RYR3: variants seen among roughly 807,000 people sequenced by gnomAD.
The protein encoded by RYR3 is brain ryanodine receptor-calcium release channel.
Under a neutral mutation model 584.3 loss-of-function variants are expected in RYR3, and 207 were observed. The observed-to-expected ratio is 0.35, with a 90% CI of 0.32 to 0.40. The LOEUF is 0.40. Ranked by LOEUF, RYR3 falls within the 10% of genes least tolerant of loss-of-function variation. RYR3 has a pLI of 1.00. For missense variants in RYR3, 5,616 were observed against 6,089.2 expected, an observed-to-expected ratio of 0.92 and a Z score of 2.59; for synonymous variants, 2,416 against 2,248.5, an observed-to-expected ratio of 1.07 and a Z score of -2.11.
intron 2 of RYR3, among the ~76,000 whole-genome samples, chr15:33,496,642 A>G (rs1194923337): frequency 1.3e-5 from 2 of 152,160 alleles, no homozygotes; most frequent in Non-Finnish European, 2.9e-5. Context: ...CACACACACA[A>G]TACAAAAAAT....
intron 46 of RYR3, among the ~76,000 whole-genome samples, chr15:33,727,006 C>T (rs531822583): frequency 6.6e-6 from 1 of 152,338 alleles, no homozygotes; most frequent in Non-Finnish European, 1.5e-5. Context: ...ACCTTGCTGT[C>T]CTCCTATGAG....
intron 80 of RYR3, 52 bp downstream of exon 80, chr15:33,821,654 C>T (rs2077114794): frequency 2.6e-6 from 4 of 1,538,790 alleles, no homozygotes; most frequent in Non-Finnish European, 3.6e-6. Context: ...TCCCATTTGA[C>T]ACCTGTCATG....
rs2047842370 is a variant in RYR3 at position 33,459,509 on chromosome 15, T to G, written c.52-13910T>G. Among the ~76,000 whole-genome samples the G allele has an allele frequency of 2.0e-5, 3 of 152,124 alleles. No individual in the cohort carries two copies. In the South Asian group the frequency reaches 6.2e-4, roughly 31 times the overall value. ...TGTGCTTTCTGGTTTAAGACTGGTG[T>G]AAGAGCACAGCAGGGCTTAATAGGT... On this transcript the variant is annotated intron_variant, in intron 1 of 103. Coordinates refer to ENST00000634891, the MANE Select transcript of RYR3 (RefSeq NM_001036.6).
intron 38 of RYR3, among the ~76,000 whole-genome samples, chr15:33,686,997 A>C (rs2065057504): frequency 6.6e-6 from 1 of 152,230 alleles, no homozygotes; most frequent in Non-Finnish European, 1.5e-5. Flanking sequence ...TTCCCTTTGA[A>C]AATCGGCACA....
chr15:33,375,592 C>A (rs1194834505), intron 1 of RYR3, among the ~76,000 whole-genome samples: 3 of 152,168 alleles, frequency 2.0e-5, no homozygotes, highest in Non-Finnish European at 4.4e-5. Flanking sequence ...GTGGGATTGA[C>A]GGTGATAGAG....
intron 86 of RYR3, among the ~76,000 whole-genome samples, chr15:33,832,290 T>G (rs2077730557): frequency 7.7e-6 from 1 of 129,632 alleles, no homozygotes; most frequent in Non-Finnish European, 1.7e-5. Flanking sequence ...CAAGACTCAG[T>G]CTCAAAAAAA....
intron 1 of RYR3, among the ~76,000 whole-genome samples, chr15:33,430,139 A>G (rs2045004463): frequency 6.6e-6 from 1 of 152,242 alleles, no homozygotes; most frequent in Non-Finnish European, 1.5e-5. Flanking sequence ...TATCCAACCA[A>G]ATTGGGTCCA....
intron 20 of RYR3, among the ~76,000 whole-genome samples, chr15:33,625,018 A>G (rs1595878505): frequency 6.6e-6 from 1 of 152,168 alleles, no homozygotes; most frequent in Admixed American, 6.5e-5. Context: ...TCATACTGCT[A>G]TAAAGAACTA....
intron 1 of RYR3, among the ~76,000 whole-genome samples, chr15:33,347,475 C>G (rs1308864959): frequency 6.7e-6 from 1 of 148,274 alleles, no homozygotes; most frequent in Non-Finnish European, 1.5e-5. Flanking sequence ...GAGACGGAGT[C>G]TTGCTCTGTC....
At chr15:33,853,764 TG>T in intron 96 of RYR3, 82 bp downstream of exon 96, 1 of 1,527,126 alleles carries the variant, frequency 6.5e-7, no homozygotes, top group Non-Finnish European at 8.8e-7. Flanking sequence ...ATCACAACCG[TG>T]TCTTTGTTCT....
intron 8 of RYR3, 105 bp from the exon 9 acceptor site, chr15:33,548,025 C>G: frequency 1.3e-6 from 1 of 755,982 alleles, no homozygotes; most frequent in East Asian, 2.7e-5. Flanking sequence ...TCCAAAAGGG[C>G]TTAGACAAGC....
At chr15:33,493,934 G>A (rs1451939170) in intron 2 of RYR3, among the ~76,000 whole-genome samples, 1 of 152,058 alleles carries the variant, frequency 6.6e-6, no homozygotes, top group Non-Finnish European at 1.5e-5. Context: ...TAATGATGAT[G>A]ATGATGATGA....
chr15:33,631,225 G>A lies in RYR3; in HGVS notation c.2799G>A (p.Leu933=). 6.3e-7 allele frequency: 1 copy of A among 1,587,332 alleles called. No homozygotes were observed. The highest frequency in any genetic ancestry group is 1.7e-4 in the Middle Eastern group (1 of 6,020). Residue 933 remains leucine (L), a synonymous_variant, in exon 23 of 104, where the codon CTG becomes CTA. Transcript: ENST00000634891. ...TGTGTCACAGAACCCTCTTGGCCCT[G>A]GGGTGCCACATTGCTCATGTTAACC... ...STETLKTLLA[L]GCHIAHVNPA...
At chr15:33,668,347 G>T (rs1442251773) in intron 36 of RYR3, among the ~76,000 whole-genome samples, 1 of 151,732 alleles carries the variant, frequency 6.6e-6, no homozygotes, top group Non-Finnish European at 1.5e-5. Context: ...AAAAAAACTT[G>T]TAGACAAAAT....
At chr15:33,481,666 G>C (rs1169395902) in intron 2 of RYR3, among the ~76,000 whole-genome samples, 2 of 151,928 alleles carry the variant, frequency 1.3e-5, no homozygotes, top group African/African-American at 4.8e-5. Flanking sequence ...ATATTTAGTA[G>C]AGATGGGGTT....
chr15:33,570,113 T>A (rs988785956), intron 12 of RYR3, among the ~76,000 whole-genome samples: 1 of 152,170 alleles, frequency 6.6e-6, no homozygotes, highest in Non-Finnish European at 1.5e-5. Flanking sequence ...ATTTATGGAT[T>A]CTGCTTTTGG....
At chr15:33,448,142 T>C (rs989162832) in intron 1 of RYR3, among the ~76,000 whole-genome samples, 35 of 152,350 alleles carry the variant, frequency 2.3e-4, no homozygotes, top group African/African-American at 8.2e-4. Flanking sequence ...TCTCTTGTCT[T>C]GGTTCCAGTG....
chr15:33,705,053 C>G lies in RYR3; in HGVS notation c.6484-1866C>G, dbSNP rs573548833. On this transcript the variant is annotated intron_variant, in intron 42 of 103. Coordinates refer to ENST00000634891, the MANE Select transcript of RYR3 (RefSeq NM_001036.6). ...TTTAGGATTGAACAGTAGCCCTACC[C>G]CAACACATACACACACGCATATGCA... Among the ~76,000 whole-genome samples, 4 of 151,946 alleles carry G rather than the reference C, an allele frequency of 2.6e-5. No individual in the cohort carries two copies. The South Asian group carries it at 8.4e-4, about 32-fold the overall frequency.
At chr15:33,555,859 G>A (rs993018032) in intron 10 of RYR3, among the ~76,000 whole-genome samples, 2 of 152,164 alleles carry the variant, frequency 1.3e-5, no homozygotes, top group East Asian at 1.9e-4. Flanking sequence ...AGAGGAAGGC[G>A]TTCCTCCTCT....
Sources: gnomAD v4.1 joint callset for allele counts (sites outside exome capture counted in the v4.1 genomes callset) on GRCh38, gnomAD v4.1.1 for gene constraint, MANE v1.5 for transcripts, NCBI Gene and HGNC (gene_info 2026-07-23, HGNC 2026-07-21) for gene names.